The following ROCK1 variants were observed in gnomAD, a reference collection of about 807,000 sequenced individuals.
The protein encoded by ROCK1 is rho-associated protein kinase 1.
ROCK1 carries 36 observed loss-of-function variants against 196.8 expected under a neutral mutation model. The observed-to-expected ratio is 0.18, with a 90% CI of 0.14 to 0.24. The LOEUF (loss-of-function observed/expected upper bound fraction) is 0.24, where lower values mean the gene tolerates loss of function less well. ROCK1 is among the 10% of genes least tolerant of loss of function. The pLI is 1.00. For missense variants in ROCK1, 920 were observed against 1,562.0 expected (o/e 0.59, Z 6.93); for synonymous variants, 443 against 515.9 (o/e 0.86, Z 1.91).
At chr18:21,017,849 T>C (rs1252147606) in intron 12 of ROCK1, among the ~76,000 whole-genome samples, 1 of 151,674 alleles carries the variant, frequency 6.6e-6, no homozygotes, top group African/African-American at 2.4e-5. Flanking sequence ...GGCGGGCGCC[T>C]GTAGTCCCAG....
At chr18:21,100,882 T>G (rs1198084930) in intron 1 of ROCK1, among the ~76,000 whole-genome samples, 1 of 152,218 alleles carries the variant, frequency 6.6e-6, no homozygotes, top group South Asian at 2.1e-4. Flanking sequence ...CCCTGTTTCC[T>G]GCTGGCCTTG....
intron 12 of ROCK1, among the ~76,000 whole-genome samples, chr18:21,018,687 A>G (rs962837031): frequency 6.6e-6 from 1 of 152,136 alleles, no homozygotes; most frequent in African/African-American, 2.4e-5. Flanking sequence ...TGCCTTTTTA[A>G]AAGAAATTTG....
At chr18:21,046,152 C>T (rs1397863846) in intron 4 of ROCK1, among the ~76,000 whole-genome samples, 10 of 152,000 alleles carry the variant, frequency 6.6e-5, no homozygotes, top group Admixed American at 3.9e-4. Flanking sequence ...CCTCGTGATC[C>T]GCCCACCCTG....
intron 9 of ROCK1, among the ~76,000 whole-genome samples, chr18:21,031,374 G>A (rs113431349): frequency 7.3e-4 from 111 of 152,174 alleles, no homozygotes; most frequent in African/African-American, 2.5e-3. Flanking sequence ...GGAGGCTGAG[G>A]CAGGTGGATC....
At chr18:21,099,610 T>A (rs1482902892) in intron 1 of ROCK1, among the ~76,000 whole-genome samples, 1 of 152,110 alleles carries the variant, frequency 6.6e-6, no homozygotes, top group Non-Finnish European at 1.5e-5. Context: ...CCAGGCATGG[T>A]AACACGTGCC....
chr18:21,077,566 CACA>C (rs1250978789), intron 1 of ROCK1, among the ~76,000 whole-genome samples: 2 of 152,078 alleles, frequency 1.3e-5, no homozygotes, highest in Admixed American at 6.5e-5. Flanking sequence ...ATGGACACAA[CACA>C]TACAATAGAC....
chr18:21,070,408 C>G (rs2036373842), intron 2 of ROCK1, 124 bp downstream of exon 2: 4 of 557,616 alleles, frequency 7.2e-6, no homozygotes, highest in Admixed American at 3.7e-5. Flanking sequence ...CTACTAAATT[C>G]TATGTAGAAA....
At chr18:21,076,182 G>A (rs1226679837) in intron 1 of ROCK1, among the ~76,000 whole-genome samples, 5 of 152,172 alleles carry the variant, frequency 3.3e-5, no homozygotes, top group African/African-American at 4.8e-5. Flanking sequence ...ACAACAACGT[G>A]AATGATTAAT....
At chr18:21,030,464 A>G (rs2035996190) in intron 9 of ROCK1, among the ~76,000 whole-genome samples, 1 of 152,310 alleles carries the variant, frequency 6.6e-6, no homozygotes. Context: ...AACCTGCTTT[A>G]AAATTATATC....
intron 22 of ROCK1, among the ~76,000 whole-genome samples, chr18:20,973,533 T>A (rs761769480): frequency 1.6e-4 from 25 of 152,060 alleles, no homozygotes; most frequent in South Asian, 2.1e-4. Context: ...CACCTGGGCC[T>A]CCCAAATTGC....
intron 2 of ROCK1, among the ~76,000 whole-genome samples, chr18:21,055,864 T>TAC (rs2036241620): frequency 6.6e-6 from 1 of 152,218 alleles, no homozygotes; most frequent in African/African-American, 2.4e-5. Context: ...GGTCGGCTCT[T>TAC]ACCTTTCTTT....
chr18:20,967,701 T>A, intron 26 of ROCK1, 51 bp downstream of exon 26: 1 of 1,317,000 alleles, frequency 7.6e-7, no homozygotes, highest in South Asian at 1.6e-5. Context: ...CAGAAATAAT[T>A]TAAGAAAATA....
intron 4 of ROCK1, among the ~76,000 whole-genome samples, chr18:21,048,812 A>C (rs1390572525): frequency 1.3e-5 from 2 of 152,200 alleles, no homozygotes; most frequent in Admixed American, 1.3e-4. Context: ...GTCCTCCCAA[A>C]GTATTCAGAT....
intron 22 of ROCK1, among the ~76,000 whole-genome samples, chr18:20,976,965 A>G (rs948586391): frequency 1.3e-5 from 2 of 152,064 alleles, no homozygotes; most frequent in African/African-American, 4.8e-5. Context: ...TATGCCTCCA[A>G]ATCTACAAAT....
chr18:20,979,743 T>G (rs2035513501), intron 22 of ROCK1, among the ~76,000 whole-genome samples, 167 bp downstream of exon 22: 1 of 152,234 alleles, frequency 6.6e-6, no homozygotes, highest in South Asian at 2.1e-4. Flanking sequence ...CACTGTTTTT[T>G]TCACCATAAA....
intron 1 of ROCK1, among the ~76,000 whole-genome samples, chr18:21,104,457 T>C (rs1453040130): frequency 6.6e-6 from 1 of 151,864 alleles, no homozygotes; most frequent in Non-Finnish European, 1.5e-5. Context: ...ATTAGCCGGG[T>C]GCGGTGGCGG....
chr18:21,001,607 A>G (rs2035724782), intron 16 of ROCK1, among the ~76,000 whole-genome samples: 1 of 152,104 alleles, frequency 6.6e-6, no homozygotes, highest in Non-Finnish European at 1.5e-5. Context: ...TCTACTAAAA[A>G]TACAAAAATT....
chr18:20,950,755 T>C lies in ROCK1; in HGVS notation c.*629A>G, dbSNP rs1009813976. 2 of 152,604 alleles carry C rather than the reference T, an allele frequency of 1.3e-5. No individual in the cohort carries two copies. The highest frequency in any genetic ancestry group is 4.8e-5 in the African/African-American group (2 of 41,436). The allele number at this position is 152,604 out of a possible 1,614,324, so 9.5% of individuals were successfully genotyped here. On this transcript the variant is annotated 3_prime_UTR_variant, in exon 33 of 33. Coordinates refer to ENST00000399799, the MANE Select transcript of ROCK1 (RefSeq NM_005406.3). The stretch of plus-strand genomic sequence containing the variant: ...CATTCCCCAAACTTGCTGAAACATA[T>C]ACAGTATTTTGTAAAGCATAATGAA...
At chr18:20,966,008 A>G (rs2035370944) in intron 27 of ROCK1, among the ~76,000 whole-genome samples, 1 of 152,246 alleles carries the variant, frequency 6.6e-6, no homozygotes, top group Non-Finnish European at 1.5e-5. Flanking sequence ...AATATCTGTT[A>G]AAACAGAATC....
Sources: gnomAD v4.1 joint callset for allele counts (sites outside exome capture counted in the v4.1 genomes callset) on GRCh38, gnomAD v4.1.1 for gene constraint, MANE v1.5 for transcripts, NCBI Gene and HGNC (gene_info 2026-07-23, HGNC 2026-07-21) for gene names.